Variants in OR2AK2 observed in about 807,000 individuals in gnomAD.
OR2AK2 encodes olfactory receptor 2AK2.
For synonymous variants in OR2AK2, 139 were observed against 147.2 expected, an observed-to-expected ratio of 0.94 and a Z score of 0.40; for missense variants, 392 against 384.1, an observed-to-expected ratio of 1.02 and a Z score of -0.17.
At chr1:247,966,293 G>A in exon 1 of OR2AK2, 1 of 1,613,602 alleles carries the variant, frequency 6.2e-7, no homozygotes, top group Non-Finnish European at 8.5e-7. Context: ...AGACTGTTGG[G>A]ATATTGGATA....
exon 1 of OR2AK2, chr1:247,965,618 T>C (rs1660949665): frequency 6.4e-7 from 1 of 1,558,898 alleles, no homozygotes; most frequent in Non-Finnish European, 8.7e-7. Context: ...GTGCCCAAGA[T>C]GGCAGTCAGC....
At chr1:247,966,310 A>G in exon 1 of OR2AK2, 1 of 1,613,288 alleles carries the variant, frequency 6.2e-7, no homozygotes, top group East Asian at 2.2e-5. Context: ...GATATGCTGT[A>G]GAAAATATGA....
chr1:247,965,403 G>T, exon 1 of OR2AK2: 2 of 1,610,762 alleles, frequency 1.2e-6, no homozygotes, highest in Admixed American at 1.7e-5. Context: ...AAAGTTTTGG[G>T]ACAGATTTTC....
exon 1 of OR2AK2, chr1:247,965,404 A>T: frequency 6.2e-7 from 1 of 1,611,094 alleles, no homozygotes; most frequent in Non-Finnish European, 8.5e-7. Flanking sequence ...AAGTTTTGGG[A>T]CAGATTTTCT....
Position 247,965,315 on chromosome 1 carries a change from G to T in OR2AK2, c.-62G>T. 1 of 1,512,738 alleles carries T rather than the reference G, an allele frequency of 6.6e-7. No homozygotes were observed. The highest frequency in any genetic ancestry group is 8.8e-7 in the Non-Finnish European group (1 of 1,131,414). 93.7% of individuals were successfully genotyped at this position (1,512,738 alleles called of 1,614,324 possible). ...CATGTCATTTTACTTTCTCTTAAGG[G>T]AAGTCAACATTATTACATGAACATT... On this transcript the variant is annotated 5_prime_UTR_variant, in exon 1 of 1. An upstream open reading frame in the 5' UTR gains an earlier in-frame stop. Transcript: ENST00000366480.
exon 1 of OR2AK2, chr1:247,965,487 T>C: frequency 6.2e-7 from 1 of 1,613,786 alleles, no homozygotes; most frequent in Non-Finnish European, 8.5e-7. Context: ...TCTTTACAGT[T>C]GCTCTGACAG....
At chr1:247,966,228 A>G (rs1327586325) in exon 1 of OR2AK2, 2 of 1,613,332 alleles carry the variant, frequency 1.2e-6, no homozygotes, top group East Asian at 2.2e-5. Flanking sequence ...TCACACCTCT[A>G]CTGAACCCAT....
At chr1:247,965,966 A>G in exon 1 of OR2AK2, 2 of 1,609,922 alleles carry the variant, frequency 1.2e-6, no homozygotes, top group Non-Finnish European at 1.7e-6. Context: ...CAGTATGAGT[A>G]TACAGTCCTC....
chr1:247,965,481 T>C, exon 1 of OR2AK2: 2 of 1,613,828 alleles, frequency 1.2e-6, no homozygotes, highest in South Asian at 1.1e-5. Flanking sequence ...CCACCCTCTT[T>C]ACAGTTGCTC....
At chr1:247,966,213 C>G (rs1469803445) in exon 1 of OR2AK2, 1 of 1,613,556 alleles carries the variant, frequency 6.2e-7, no homozygotes, top group East Asian at 2.2e-5. Context: ...TATTTTACAC[C>G]ATTGTCACAC....
exon 1 of OR2AK2, chr1:247,966,054 C>G: frequency 6.2e-7 from 1 of 1,614,102 alleles, no homozygotes; most frequent in South Asian, 1.1e-5. Context: ...TTGTGGTATT[C>G]CAGATGAGCT....
chr1:247,966,056 A>C (rs1660963838), exon 1 of OR2AK2: 2 of 1,614,190 alleles, frequency 1.2e-6, no homozygotes, highest in African/African-American at 2.7e-5. Context: ...GTGGTATTCC[A>C]GATGAGCTCA....
At chr1:247,965,631 C>T in exon 1 of OR2AK2, 1 of 1,551,756 alleles carries the variant, frequency 6.4e-7, no homozygotes, top group East Asian at 2.3e-5. Context: ...CAGTCAGCTT[C>T]CTCTCACAGA....
exon 1 of OR2AK2, chr1:247,965,746 G>A: frequency 6.4e-7 from 1 of 1,569,412 alleles, no homozygotes; most frequent in Non-Finnish European, 8.6e-7. Context: ...TGATCGCTAT[G>A]TAGCTATCTG....
At position 247,965,245 on chromosome 1, in the gene OR2AK2, G is replaced by T. The variant is rs1660938548; in HGVS notation, c.-132G>T. On this transcript the variant is annotated 5_prime_UTR_variant, in exon 1 of 1. An upstream start codon of the reference 5' UTR is lost. Coordinates refer to ENST00000366480, the Ensembl canonical transcript of OR2AK2. ...AGAAAGCACTTTGTGCTCTAAACAT[G>T]TAGATAGTTGCCAAACATGTAAGTG... is the stretch of plus-strand genomic sequence containing the variant. 6.3e-6 allele frequency: 7 copies of T among 1,105,952 alleles called. No individual in the cohort carries two copies. The South Asian group carries it at 1.0e-4, about 16-fold the overall frequency. 68.5% of individuals were successfully genotyped at this position (1,105,952 alleles called of 1,614,324 possible). A position where few individuals can be genotyped will look rare whatever the true frequency, so the allele number is the denominator to read the frequency against.
exon 1 of OR2AK2, chr1:247,966,043 A>T (rs903524641): frequency 4.3e-6 from 7 of 1,614,026 alleles, no homozygotes; most frequent in South Asian, 2.2e-5. Context: ...TCGTGTGCTT[A>T]TTGTGGTATT....
chr1:247,965,817 T>C, exon 1 of OR2AK2: 2 of 1,611,374 alleles, frequency 1.2e-6, no homozygotes, highest in South Asian at 2.2e-5. Context: ...TGGTTGCATG[T>C]GCATGGGCCA....
exon 1 of OR2AK2, chr1:247,965,918 T>C (rs770199816): frequency 6.2e-7 from 1 of 1,612,286 alleles, no homozygotes; most frequent in Admixed American, 1.7e-5. Context: ...TTCTGTGAAG[T>C]TCCAGCTCTA....
exon 1 of OR2AK2, chr1:247,965,713 C>T (rs749665990): frequency 1.3e-6 from 2 of 1,555,684 alleles, no homozygotes; most frequent in Admixed American, 3.9e-5. Flanking sequence ...AACTGAAGCC[C>T]TTCTCCTTGG....
Sources: allele counts gnomAD v4.1 joint callset, GRCh38; gene constraint gnomAD v4.1.1; transcripts MANE v1.5; gene names NCBI Gene and HGNC (gene_info 2026-07-23, HGNC 2026-07-21).